Variants in ZCWPW2 observed in about 807,000 individuals in gnomAD.
The protein encoded by ZCWPW2 is zinc finger CW-type and PWWP domain containing 2.
In ZCWPW2, 45 loss-of-function variants were observed where a neutral mutation model predicts 46.6. The ratio of observed to expected loss-of-function variants is 0.96; its 90% CI spans 0.76 to 1.24. The LOEUF is 1.24. Among genes scored for constraint, ZCWPW2 ranks in the 50% most tolerant of loss-of-function variants. ZCWPW2 has a pLI of 0.00. For missense variants in ZCWPW2, 429 were observed against 403.9 expected (o/e 1.06, Z -0.53); for synonymous variants, 152 against 137.1 (o/e 1.11, Z -0.76).
At chr3:28,468,227 GAATT>G (rs1698901121) in intron 4 of ZCWPW2, among the ~76,000 whole-genome samples, 2 of 151,540 alleles carry the variant, frequency 1.3e-5, no homozygotes, top group African/African-American at 4.8e-5. Context: ...GCAGAAGAAA[GAATT>G]AATGAGCTTG....
chr3:28,412,137 A>T (rs2125739893), intron 2 of ZCWPW2, among the ~76,000 whole-genome samples: 1 of 152,044 alleles, frequency 6.6e-6, no homozygotes, highest in South Asian at 2.1e-4. Flanking sequence ...AGTATGGTAC[A>T]TTAGTCTTTT....
chr3:28,364,331 T>A (rs904697057), intron 1 of ZCWPW2, among the ~76,000 whole-genome samples: 4 of 151,176 alleles, frequency 2.6e-5, no homozygotes, highest in Admixed American at 1.3e-4. Flanking sequence ...TTTTTTTTTT[T>A]ACATCACATT....
chr3:28,371,876 GGA>G (rs1341275753), intron 1 of ZCWPW2, among the ~76,000 whole-genome samples: 1 of 151,828 alleles, frequency 6.6e-6, no homozygotes, highest in Non-Finnish European at 1.5e-5. Flanking sequence ...TTAGTCAAAG[GGA>G]GAGTCTTTGC....
chr3:28,481,205 A>G (rs1699415817), intron 5 of ZCWPW2, among the ~76,000 whole-genome samples: 1 of 151,244 alleles, frequency 6.6e-6, no homozygotes, highest in Admixed American at 6.6e-5. Flanking sequence ...CACATTTTTA[A>G]CTCTAAAAAG....
intron 1 of ZCWPW2, among the ~76,000 whole-genome samples, chr3:28,352,421 C>T (rs1704587713): frequency 6.6e-6 from 1 of 152,058 alleles, no homozygotes; most frequent in African/African-American, 2.4e-5. Flanking sequence ...CTGAACTAGA[C>T]ATCTTTTTGC....
chr3:28,413,212 T>C lies in ZCWPW2; in HGVS notation c.144T>C (p.Asp48=). The C allele has an allele frequency of 6.2e-7, 1 of 1,613,422 alleles. No homozygotes were observed. The highest frequency in any genetic ancestry group is 8.5e-7 in the Non-Finnish European group (1 of 1,179,568). The change falls in exon 3 of 10, where the codon GAT becomes GAC. Residue 48 remains aspartate (D), a synonymous_variant. Coordinates refer to ENST00000383768, the MANE Select transcript of ZCWPW2 (RefSeq NM_001040432.4). ...AATGGAGATTGTTATCAAGTGAGGA[T>C]TCAGCCAAGGTTGATCATGATGAAC... ...CLKWRLLSSE[D]SAKVDHDEPW... is the part of the protein sequence containing the mutation.
chr3:28,460,318 A>T (rs1698583165), intron 4 of ZCWPW2, among the ~76,000 whole-genome samples: 1 of 151,024 alleles, frequency 6.6e-6, no homozygotes, highest in Admixed American at 6.6e-5. Context: ...TGGGGTACAT[A>T]AGTTGTTTTG....
chr3:28,438,701 A>G (rs1288881014), intron 4 of ZCWPW2, among the ~76,000 whole-genome samples: 8 of 152,184 alleles, frequency 5.3e-5, no homozygotes, highest in Non-Finnish European at 1.0e-4. Flanking sequence ...TGTCCCTGAC[A>G]AAAACTTGAT....
intron 4 of ZCWPW2, among the ~76,000 whole-genome samples, chr3:28,443,666 C>T (rs925040640): frequency 3.9e-5 from 6 of 152,300 alleles, no homozygotes; most frequent in African/African-American, 1.4e-4. Context: ...GGTTGAGTAT[C>T]ATCACTTGGC....
intron 4 of ZCWPW2, chr3:28,447,613 C>G: frequency 4.2e-6 from 1 of 240,214 alleles, no homozygotes. Flanking sequence ...CAGATGCCAA[C>G]TTTCACCATT....
At chr3:28,405,439 G>GA (rs1696120140) in intron 2 of ZCWPW2, among the ~76,000 whole-genome samples, 1 of 152,110 alleles carries the variant, frequency 6.6e-6, no homozygotes, top group African/African-American at 2.4e-5. Context: ...GGGCATGCCA[G>GA]AAAAAGCGTA....
chr3:28,424,008 C>G (rs932631996), intron 3 of ZCWPW2, among the ~76,000 whole-genome samples: 1 of 152,036 alleles, frequency 6.6e-6, no homozygotes. Flanking sequence ...TATAGTTGCC[C>G]TACCTGTATT....
At chr3:28,388,454 C>T (rs1311572679) in intron 1 of ZCWPW2, among the ~76,000 whole-genome samples, 1 of 152,144 alleles carries the variant, frequency 6.6e-6, no homozygotes, top group East Asian at 1.9e-4. Context: ...TGAAAACACA[C>T]TAATCCTTTT....
intron 2 of ZCWPW2, among the ~76,000 whole-genome samples, chr3:28,401,207 GA>G (rs373552652): frequency 6.6e-6 from 1 of 151,400 alleles, no homozygotes; most frequent in Non-Finnish European, 1.5e-5. Context: ...AAGACAAAAA[GA>G]AACAAAAAAA....
At chr3:28,454,549 C>T (rs1698353909) in intron 4 of ZCWPW2, among the ~76,000 whole-genome samples, 1 of 152,054 alleles carries the variant, frequency 6.6e-6, no homozygotes, top group Admixed American at 6.6e-5. Context: ...TAAGTGTGTG[C>T]CATGGTGGTT....
intron 4 of ZCWPW2, among the ~76,000 whole-genome samples, chr3:28,469,572 C>T (rs545005557): frequency 6.6e-6 from 1 of 151,974 alleles, no homozygotes; most frequent in East Asian, 1.9e-4. Context: ...AGTAGATATA[C>T]TTAATACCAG....
At chr3:28,423,516 G>A (rs866745873) in intron 3 of ZCWPW2, among the ~76,000 whole-genome samples, 1 of 151,748 alleles carries the variant, frequency 6.6e-6, no homozygotes, top group African/African-American at 2.4e-5. Flanking sequence ...ACAGGTGCCT[G>A]CTACCACGCC....
chr3:28,407,051 T>G (rs541107305), intron 2 of ZCWPW2, among the ~76,000 whole-genome samples: 1 of 152,238 alleles, frequency 6.6e-6, no homozygotes, highest in East Asian at 1.9e-4. Flanking sequence ...GGTCTCAAAC[T>G]CCTGGGCACA....
chr3:28,358,785 C>T (rs749758793), intron 1 of ZCWPW2, among the ~76,000 whole-genome samples: 1 of 152,030 alleles, frequency 6.6e-6, no homozygotes, highest in Non-Finnish European at 1.5e-5. Flanking sequence ...GATTAGATTG[C>T]TATCTGAATA....
Sources: gnomAD v4.1 joint callset for allele counts (sites outside exome capture counted in the v4.1 genomes callset) on GRCh38, gnomAD v4.1.1 for gene constraint, MANE v1.5 for transcripts, NCBI Gene and HGNC (gene_info 2026-07-23, HGNC 2026-07-21) for gene names.